Variants in BCL11A observed in about 807,000 individuals in gnomAD.
The protein encoded by BCL11A is B cell CLL/lymphoma 11A.
In BCL11A, 2 loss-of-function variants were observed where a neutral mutation model predicts 55.9. That is an observed-to-expected ratio of 0.04 (90% confidence interval 0.01 to 0.11). BCL11A has a LOEUF of 0.11. Among genes scored for constraint, BCL11A ranks in the 10% least tolerant of loss-of-function variants. The pLI is 1.00. For missense variants in BCL11A, 817 were observed against 1,137.1 expected (o/e 0.72, Z 4.05); for synonymous variants, 465 against 473.4 (o/e 0.98, Z 0.23).
chr2:60,499,996 T>G (rs984387862), intron 2 of BCL11A: 2 of 152,612 alleles, frequency 1.3e-5, no homozygotes, highest in Admixed American at 1.3e-4. Flanking sequence ...CTCACCCCAC[T>G]GCCAGGCTGT....
At chr2:60,491,749 C>A (rs939616004) in intron 2 of BCL11A, among the ~76,000 whole-genome samples, 1 of 151,658 alleles carries the variant, frequency 6.6e-6, no homozygotes, top group Non-Finnish European at 1.5e-5. Flanking sequence ...TGACTGCCCA[C>A]GTCAAAACAC....
At position 60,467,120 on chromosome 2, in the gene BCL11A, GTGGTGGTGATGGTGGTGT is replaced by G. The variant is rs1558618173; in HGVS notation, c.487+1594_487+1611del. 1.1e-3 allele frequency among the ~76,000 whole-genome samples: 143 copies of G among 134,342 alleles called. 3 individuals carry two copies. The highest frequency in any genetic ancestry group is 3.9e-3 in the Middle Eastern group (1 of 256). The allele number at this position is 134,342 out of a possible 152,430, so 88.1% of individuals were successfully genotyped here. ...GATGATGGTGGTGGTAGTGGTGGTG[GTGGTGGTGATGGTGGTGT>G]TGGTGGTGATGGTGGTGGTGGTGGT... On this transcript the variant is annotated intron_variant, in intron 3 of 3. Coordinates refer to ENST00000642384, the MANE Select transcript of BCL11A (RefSeq NM_022893.4).
intron 1 of BCL11A, among the ~76,000 whole-genome samples, 182 bp downstream of exon 1, chr2:60,553,034 G>C (rs984014629): frequency 4.6e-5 from 7 of 151,734 alleles, no homozygotes; most frequent in Admixed American, 1.3e-4. Context: ...ACACGGCAAT[G>C]GTTCCAGATG....
chr2:60,452,303 A>G, downstream of BCL11A: 1 of 354,862 alleles, frequency 2.8e-6, no homozygotes, highest in East Asian at 4.4e-5. Context: ...CCAGGGCATC[A>G]CTCATGACAG....
intron 2 of BCL11A, chr2:60,527,848 G>A (rs1001361046): frequency 2.0e-5 from 3 of 152,208 alleles, no homozygotes; most frequent in Non-Finnish European, 4.4e-5. Context: ...TTTGGTTTTG[G>A]AATACATTGT....
At chr2:60,502,243 A>G (rs543250331) in intron 2 of BCL11A, among the ~76,000 whole-genome samples, 1 of 152,378 alleles carries the variant, frequency 6.6e-6, no homozygotes, top group South Asian at 2.1e-4. Context: ...CCTGCTTTGT[A>G]AAAGCTGGTG....
At chr2:60,472,452 T>C (rs1209702397) in intron 2 of BCL11A, among the ~76,000 whole-genome samples, 4 of 152,246 alleles carry the variant, frequency 2.6e-5, no homozygotes. Context: ...AAGGTCTCTC[T>C]AGACCCAGTA....
chr2:60,501,931 T>C (rs1679310496), intron 2 of BCL11A, among the ~76,000 whole-genome samples: 1 of 152,206 alleles, frequency 6.6e-6, no homozygotes, highest in African/African-American at 2.4e-5. Flanking sequence ...AAAACAGCCT[T>C]TTATTCTAAT....
chr2:60,486,855 C>G (rs1250841630), intron 2 of BCL11A, among the ~76,000 whole-genome samples: 4 of 152,340 alleles, frequency 2.6e-5, no homozygotes, highest in African/African-American at 9.6e-5. Context: ...ATCACTCTGT[C>G]TCTCAAACCT....
intron 2 of BCL11A, among the ~76,000 whole-genome samples, chr2:60,531,434 A>G (rs1669452832): frequency 6.6e-6 from 1 of 152,236 alleles, no homozygotes; most frequent in Non-Finnish European, 1.5e-5. Context: ...CACACTTTTT[A>G]CAACCAGTAC....
chr2:60,494,543 T>C (rs1018020719), intron 2 of BCL11A, among the ~76,000 whole-genome samples: 4 of 152,222 alleles, frequency 2.6e-5, no homozygotes, highest in Admixed American at 2.0e-4. Flanking sequence ...TAATCTCCAA[T>C]TGGCAAAGCC....
chr2:60,501,658 G>A (rs528571324), intron 2 of BCL11A, among the ~76,000 whole-genome samples: 27 of 151,632 alleles, frequency 1.8e-4, no homozygotes, highest in Admixed American at 1.4e-3. Flanking sequence ...AGGCATGTGC[G>A]ACCATGCCTG....
At position 60,546,082 on chromosome 2, in the gene BCL11A, T is replaced by A; in HGVS notation, c.274A>T (p.Met92Leu). The A allele has an allele frequency of 6.2e-7, 1 of 1,614,192 alleles. No individual in the cohort carries two copies. The highest frequency in any genetic ancestry group is 8.5e-7 in the Non-Finnish European group (1 of 1,180,032). ...TCCACGGGATTGGATGCTTTTTTCA[T>A]CTCGATTGGTGAAGGGGAAGGTGGC... ...DKPPSPSPIE[M>L]KKASNPVEVG... is the part of the protein sequence containing the mutation. The change falls in exon 2 of 4, where the codon ATG becomes TTG. Residue 92 changes from methionine to leucine, a missense_variant. By Grantham distance (15) the Met-to-Leu change is conservative (BLOSUM62 2). Around this residue, in one of 4 missense-constraint regions of BCL11A, gnomAD observed 363 missense variants for 486.6 expected, o/e 0.75. Transcript: ENST00000642384. This position sits in a 1 kb window ranked among gnomAD's most constrained non-coding sequence, Gnocchi z 4.1.
At chr2:60,494,547 C>T (rs1678835617) in intron 2 of BCL11A, among the ~76,000 whole-genome samples, 1 of 152,188 alleles carries the variant, frequency 6.6e-6, no homozygotes, top group African/African-American at 2.4e-5. Flanking sequence ...CTCCAATTGG[C>T]AAAGCCAGAC....
chr2:60,553,786 G>C (rs931425933), upstream of BCL11A: 2 of 148,786 alleles, frequency 1.3e-5, no homozygotes, highest in African/African-American at 2.5e-5. Context: ...CGGGGAGGGG[G>C]AGGTGCGGGG....
At chr2:60,489,964 G>A (rs1278420367) in intron 2 of BCL11A, among the ~76,000 whole-genome samples, 1 of 152,164 alleles carries the variant, frequency 6.6e-6, no homozygotes, top group Non-Finnish European at 1.5e-5. Flanking sequence ...GGATGGACTG[G>A]AGGAGAGGGA....
intron 2 of BCL11A, among the ~76,000 whole-genome samples, chr2:60,493,639 C>T (rs764339196): frequency 5.9e-5 from 9 of 152,130 alleles, no homozygotes; most frequent in African/African-American, 4.8e-5. Flanking sequence ...GTTCGGAGTC[C>T]TAAGAGCCCC....
Position 60,460,750 on chromosome 2 carries a change from C to T in BCL11A, c.2162G>A (p.Ser721Asn). ...GCCCGGACCACTAATATGGGGCGTG[C>T]TCCCTCCACTTCCCGTGCCGCTGCG... ...SGRSGTGSGG[S>N]TPHISGPGPG... The change falls in exon 4 of 4, where the codon AGC becomes AAC. Residue 721 changes from serine to asparagine, a missense_variant. This residue lies in a region of BCL11A where 379 missense variants were observed against 425.3 expected (regional missense o/e 0.89). Transcript: ENST00000642384. 1.2e-6 allele frequency: 2 copies of T among 1,613,978 alleles called. No individual in the cohort carries two copies. The highest frequency in any genetic ancestry group is 1.7e-6 in the Non-Finnish European group (2 of 1,180,040).
intron 2 of BCL11A, among the ~76,000 whole-genome samples, chr2:60,505,080 T>C (rs1174321377): frequency 1.3e-5 from 2 of 152,116 alleles, no homozygotes; most frequent in African/African-American, 4.8e-5. Context: ...CCCTTTCTCC[T>C]GCCTCTTCAC....
Sources: gnomAD v4.1 joint callset for allele counts (sites outside exome capture counted in the v4.1 genomes callset) on GRCh38, gnomAD v4.1.1 for gene constraint, gnomAD v4.1.1 regional missense constraint, Gnocchi (gnomAD v3.1) non-coding constraint, MANE v1.5 for transcripts, NCBI Gene and HGNC (gene_info 2026-07-23, HGNC 2026-07-21) for gene names.